The following RANBP17 variants were observed in gnomAD, a reference collection of about 807,000 sequenced individuals.
RANBP17 encodes the protein ran-binding protein 17.
A neutral mutation model predicts 141.2 loss-of-function variants in RANBP17; 158 were observed. The observed-to-expected ratio is 1.12, with a 90% CI of 0.98 to 1.28. The LOEUF (loss-of-function observed/expected upper bound fraction) is 1.28. Among genes scored for constraint, RANBP17 ranks in the 50% most tolerant of loss-of-function variants. The probability of loss-of-function intolerance (pLI) is 0.00; values close to 1 mark genes in which losing one functional copy is unlikely to be tolerated. For missense variants in RANBP17, 1,438 were observed against 1,290.7 expected (o/e 1.11, Z -1.75); for synonymous variants, 430 against 450.0 (o/e 0.96, Z 0.56).
At chr5:170,933,125 C>T (rs1773543994) in intron 12 of RANBP17, among the ~76,000 whole-genome samples, 1 of 152,126 alleles carries the variant, frequency 6.6e-6, no homozygotes, top group Non-Finnish European at 1.5e-5. Context: ...CAGCTTCTTC[C>T]TGGTTTAGTC....
At chr5:171,092,559 A>G (rs1274442509) in intron 14 of RANBP17, among the ~76,000 whole-genome samples, 2 of 152,204 alleles carry the variant, frequency 1.3e-5, no homozygotes, top group African/African-American at 4.8e-5. Context: ...GGGTGACCTT[A>G]CCCTGTTAAA....
Position 170,953,650 on chromosome 5 carries a change from A to G in RANBP17, c.1522A>G (p.Thr508Ala), listed in dbSNP as rs756479184. Residue 508 changes from threonine (T) to alanine (A), a missense_variant, in exon 13 of 28, where the codon ACA becomes GCA. By Grantham distance (58) the Thr-to-Ala change is moderately conservative (BLOSUM62 0). Transcript: ENST00000523189. Reference protein sequence around the residue: ...LVGTVVGGRLTYTSTDEHDAM... With the variant: ...LVGTVVGGRLAYTSTDEHDAM... The stretch of plus-strand genomic sequence containing the variant: ...TGGGACAGTTGTAGGAGGAAGATTA[A>G]CATATACCAGTACAGATGAGCATGA... 1.3e-4 allele frequency: 203 copies of G among 1,612,124 alleles called. No individual in the cohort carries two copies. The highest frequency in any genetic ancestry group is 5.3e-4 in the Admixed American group (32 of 59,988).
At chr5:171,208,290 T>G (rs1473487157) in intron 20 of RANBP17, among the ~76,000 whole-genome samples, 1 of 152,234 alleles carries the variant, frequency 6.6e-6, no homozygotes, top group Non-Finnish European at 1.5e-5. Context: ...ACTACATTGC[T>G]TTTCACTCTG....
chr5:171,256,877 C>G (rs1765932173), intron 24 of RANBP17, among the ~76,000 whole-genome samples: 1 of 151,630 alleles, frequency 6.6e-6, no homozygotes, highest in Non-Finnish European at 1.5e-5. Context: ...AAGTCCTGAA[C>G]AGACCAATAA....
chr5:171,291,138 T>G (rs886652767), intron 25 of RANBP17, among the ~76,000 whole-genome samples: 1 of 152,158 alleles, frequency 6.6e-6, no homozygotes, highest in Non-Finnish European at 1.5e-5. Flanking sequence ...TCCTGCCAAA[T>G]CCTGTGGGAA....
At chr5:171,095,391 A>T (rs1240375181) in intron 14 of RANBP17, among the ~76,000 whole-genome samples, 1 of 152,184 alleles carries the variant, frequency 6.6e-6, no homozygotes, top group Non-Finnish European at 1.5e-5. Context: ...GTACAGAAAT[A>T]GGCTATAGAC....
chr5:171,115,183 T>G (rs1755526285), intron 14 of RANBP17, among the ~76,000 whole-genome samples: 1 of 152,130 alleles, frequency 6.6e-6, no homozygotes. Flanking sequence ...AAGCTACTAC[T>G]AAACTTCTTA....
At chr5:170,997,674 G>C (rs1266992893) in intron 14 of RANBP17, among the ~76,000 whole-genome samples, 2 of 152,102 alleles carry the variant, frequency 1.3e-5, no homozygotes, top group Non-Finnish European at 1.5e-5. Context: ...CAGTATTTCT[G>C]TTTAAATTCA....
intron 14 of RANBP17, among the ~76,000 whole-genome samples, chr5:171,133,087 T>G (rs1215406922): frequency 1.3e-5 from 2 of 152,076 alleles, no homozygotes; most frequent in Non-Finnish European, 2.9e-5. Context: ...GGTTTCACCT[T>G]TTTGGCCAGG....
intron 11 of RANBP17, 63 bp from the exon 12 acceptor site, chr5:170,924,294 T>C (rs919976918): frequency 9.5e-7 from 1 of 1,055,050 alleles, no homozygotes; most frequent in Non-Finnish European, 1.4e-6. Flanking sequence ...ATGAAGTTTA[T>C]TTGTGGTGAA....
intron 14 of RANBP17, among the ~76,000 whole-genome samples, chr5:171,075,624 T>C (rs1298124157): frequency 6.6e-6 from 1 of 152,140 alleles, no homozygotes; most frequent in Non-Finnish European, 1.5e-5. Context: ...GTGGTGACAG[T>C]TGCACAACTC....
In RANBP17 at chr5:171,064,142, C is replaced by T. The variant is rs566147931; in HGVS notation, c.1710+95765C>T. On this transcript the variant is annotated intron_variant, in intron 14 of 27. Coordinates refer to ENST00000523189, the MANE Select transcript of RANBP17 (RefSeq NM_022897.5). ...AGTGAGGCAATGCCTCGCCCTGCTT[C>T]GGCTCACACACGGTGCGCTGCACCC... Among the ~76,000 whole-genome samples, 85 of 152,368 alleles carry T rather than the reference C, an allele frequency of 5.6e-4. 1 individual carries two copies. The highest frequency in any genetic ancestry group is 1.7e-3 in the African/African-American group (69 of 41,600).
At chr5:171,067,648 G>T (rs1784390201) in intron 14 of RANBP17, among the ~76,000 whole-genome samples, 1 of 151,802 alleles carries the variant, frequency 6.6e-6, no homozygotes, top group African/African-American at 2.4e-5. Context: ...TTGAAGGAGA[G>T]TGTTACTAGA....
rs61467148 is a variant in RANBP17 at position 171,025,242 on chromosome 5, G to GA, written c.1710+56866dup. Reference sequence around the variant, plus strand: ...AGTGGTTCATTGGACACCATAGCCAGAGTTACTGTAAATGAAAATCAGTGG... The same window carrying GA: ...AGTGGTTCATTGGACACCATAGCCAGAAGTTACTGTAAATGAAAATCAGTGG... On this transcript the variant is annotated intron_variant, in intron 14 of 27. Coordinates refer to ENST00000523189, the MANE Select transcript of RANBP17 (RefSeq NM_022897.5). Among the ~76,000 whole-genome samples the GA allele has an allele frequency of 5.8e-3, 890 of 152,278 alleles. 9 individuals are homozygous for GA. Among genetic ancestry groups the GA allele is most frequent in the African/African-American group, 0.02 (843 of 41,568 alleles).
intron 22 of RANBP17, among the ~76,000 whole-genome samples, chr5:171,240,250 A>G (rs138187228): frequency 8.9e-4 from 135 of 152,302 alleles, no homozygotes; most frequent in Middle Eastern, 3.4e-3. Flanking sequence ...TAACTGTACT[A>G]CAGAAGATTT....
intron 25 of RANBP17, among the ~76,000 whole-genome samples, chr5:171,267,256 C>T (rs1272238866): frequency 6.7e-6 from 1 of 148,214 alleles, no homozygotes; most frequent in Non-Finnish European, 1.5e-5. Flanking sequence ...GGCTAGTAGG[C>T]TAGTTTTGAA....
intron 3 of RANBP17, among the ~76,000 whole-genome samples, chr5:170,889,255 TG>T (rs1769408599): frequency 6.6e-6 from 1 of 152,084 alleles, no homozygotes; most frequent in Admixed American, 6.6e-5. Flanking sequence ...AGTTAAATTT[TG>T]AGGTGTGTAT....
intron 12 of RANBP17, among the ~76,000 whole-genome samples, chr5:170,939,120 C>G (rs960067436): frequency 6.6e-6 from 1 of 151,902 alleles, no homozygotes; most frequent in Admixed American, 6.6e-5. Flanking sequence ...GAATATTATT[C>G]TCAAATAACT....
chr5:171,267,011 A>G (rs1191511898), intron 25 of RANBP17, among the ~76,000 whole-genome samples: 2 of 140,636 alleles, frequency 1.4e-5, no homozygotes, highest in African/African-American at 5.1e-5. Flanking sequence ...CTATACCATC[A>G]CTATATTTTC....
Sources: gnomAD v4.1 joint callset for allele counts (sites outside exome capture counted in the v4.1 genomes callset) on GRCh38, gnomAD v4.1.1 for gene constraint, MANE v1.5 for transcripts, NCBI Gene and HGNC (gene_info 2026-07-23, HGNC 2026-07-21) for gene names.